ATF6: variants seen among roughly 807,000 people sequenced by gnomAD.
ATF6 encodes the protein cyclic AMP-dependent transcription factor ATF-6 alpha.
A neutral mutation model predicts 83.6 loss-of-function variants in ATF6; 53 were observed. That is an observed-to-expected ratio of 0.63 (90% CI 0.51 to 0.80). The LOEUF (loss-of-function observed/expected upper bound fraction) is 0.80, where lower values mean the gene tolerates loss of function less well. Among genes scored for constraint, ATF6 ranks in the 30% least tolerant of loss-of-function variants. The pLI is 0.00. For synonymous variants in ATF6, 288 were observed against 285.8 expected (o/e 1.01, Z -0.08); for missense variants, 744 against 797.9 (o/e 0.93, Z 0.81).
chr1:161,942,214 C>T lies in ATF6; in HGVS notation c.1805-16232C>T, dbSNP rs367878864. On this transcript the variant is annotated intron_variant, in intron 15 of 15. Transcript: ENST00000367942. ...ATTAACTCCTCAGCCCTCATACCAT[C>T]ACAGGAAAACAGCAATCATTGTTAA... Among the ~76,000 whole-genome samples, 18 of 152,308 alleles carry T rather than the reference C, an allele frequency of 1.2e-4. No homozygotes were observed. In the East Asian group the frequency reaches 2.9e-3, roughly 24 times the overall value.
intron 9 of ATF6, among the ~76,000 whole-genome samples, chr1:161,839,553 C>G (rs1186619292): frequency 6.6e-6 from 1 of 151,912 alleles, no homozygotes; most frequent in Non-Finnish European, 1.5e-5. Context: ...TTATTATTAT[C>G]GTAGAGATGA....
chr1:161,901,349 C>T (rs568126057), intron 14 of ATF6, among the ~76,000 whole-genome samples: 71 of 148,686 alleles, frequency 4.8e-4, no homozygotes, highest in Middle Eastern at 3.5e-3. Context: ...TGGCCAATAG[C>T]ACATAAAAAT....
intron 14 of ATF6, among the ~76,000 whole-genome samples, chr1:161,895,731 C>T (rs967280873): frequency 2.6e-5 from 4 of 152,168 alleles, no homozygotes; most frequent in African/African-American, 7.2e-5. Context: ...CATATCTGAT[C>T]ATTTTATTAC....
chr1:161,849,935 A>G (rs1447428896), intron 10 of ATF6, among the ~76,000 whole-genome samples: 1 of 152,182 alleles, frequency 6.6e-6, no homozygotes, highest in Admixed American at 6.5e-5. Flanking sequence ...TGCTTAAGCC[A>G]GAAATCCTGA....
In ATF6 at chr1:161,914,820, C is replaced by T. The variant is rs190636698; in HGVS notation, c.1804+2440C>T. ...CTCTCTTGTGAACACCCCTTACTTC[C>T]TGGCTCCTTTCTTAGGTCCCACTTT... On this transcript the variant is annotated intron_variant, in intron 15 of 15. Transcript: ENST00000367942. Among the ~76,000 whole-genome samples, 212 of 152,278 alleles carry T rather than the reference C, an allele frequency of 1.4e-3. 1 individual carries two copies. The highest frequency in any genetic ancestry group is 4.9e-3 in the African/African-American group (205 of 41,558).
At chr1:161,779,656 T>C (rs1181038572) in intron 2 of ATF6, among the ~76,000 whole-genome samples, 3 of 152,212 alleles carry the variant, frequency 2.0e-5, no homozygotes, top group African/African-American at 7.2e-5. Flanking sequence ...TTTAAAAGTG[T>C]TGCTGGCACT....
chr1:161,779,540 G>A (rs1684588231), intron 2 of ATF6, among the ~76,000 whole-genome samples: 2 of 152,002 alleles, frequency 1.3e-5, no homozygotes, highest in Admixed American at 6.6e-5. Context: ...GCATGAACTG[G>A]GCCTGTTAAA....
At chr1:161,770,515 T>C (rs973113900) in intron 1 of ATF6, among the ~76,000 whole-genome samples, 5 of 152,210 alleles carry the variant, frequency 3.3e-5, no homozygotes, top group Non-Finnish European at 7.3e-5. Flanking sequence ...TCTTGTGTCC[T>C]CACATGGCAC....
chr1:161,922,532 G>A (rs1688231718), intron 15 of ATF6, among the ~76,000 whole-genome samples: 1 of 152,108 alleles, frequency 6.6e-6, no homozygotes, highest in African/African-American at 2.4e-5. Flanking sequence ...GCTTATGACA[G>A]TTTGGGAGAA....
intron 15 of ATF6, among the ~76,000 whole-genome samples, chr1:161,924,802 G>A (rs1688278518): frequency 6.6e-6 from 1 of 152,062 alleles, no homozygotes; most frequent in African/African-American, 2.4e-5. Context: ...GTATGGATTA[G>A]GACAAAGAAA....
At chr1:161,955,358 T>C (rs1441374451) in intron 15 of ATF6, among the ~76,000 whole-genome samples, 2 of 152,076 alleles carry the variant, frequency 1.3e-5, no homozygotes, top group African/African-American at 4.8e-5. Flanking sequence ...TTCCCAGGGG[T>C]GGCCAGAACT....
chr1:161,938,678 A>G (rs544894969), intron 15 of ATF6, among the ~76,000 whole-genome samples: 1 of 152,326 alleles, frequency 6.6e-6, no homozygotes, highest in African/African-American at 2.4e-5. Flanking sequence ...TAGTATAGCA[A>G]TAGGTTGTGA....
At chr1:161,911,093 G>A (rs920078132) in intron 14 of ATF6, among the ~76,000 whole-genome samples, 17 of 152,070 alleles carry the variant, frequency 1.1e-4, no homozygotes, top group Non-Finnish European at 2.2e-4. Flanking sequence ...TTGAAGTTGT[G>A]TTGAATTTTT....
intron 9 of ATF6, among the ~76,000 whole-genome samples, chr1:161,838,919 C>A (rs1171800985): frequency 9.2e-5 from 14 of 152,190 alleles, no homozygotes; most frequent in Admixed American, 9.2e-4. Flanking sequence ...CTGCAAAAAT[C>A]ATCTCTGAAC....
At chr1:161,833,431 A>C (rs1202895338) in intron 9 of ATF6, among the ~76,000 whole-genome samples, 1 of 152,208 alleles carries the variant, frequency 6.6e-6, no homozygotes, top group Admixed American at 6.5e-5. Context: ...TTGAGAGAAG[A>C]AGGCTTCAGA....
intron 1 of ATF6, among the ~76,000 whole-genome samples, chr1:161,775,039 T>G (rs1157440131): frequency 3.3e-5 from 5 of 152,168 alleles, no homozygotes; most frequent in African/African-American, 7.2e-5. Context: ...TGGAAAATCT[T>G]GGGCCAGAAA....
chr1:161,877,187 A>G (rs1419916954), intron 14 of ATF6, among the ~76,000 whole-genome samples: 1 of 152,084 alleles, frequency 6.6e-6, no homozygotes, highest in Non-Finnish European at 1.5e-5. Context: ...TTTTTCAGGA[A>G]GTATGTACTG....
At chr1:161,855,625 C>T (rs1686739564) in intron 12 of ATF6, among the ~76,000 whole-genome samples, 1 of 151,958 alleles carries the variant, frequency 6.6e-6, no homozygotes, top group Non-Finnish European at 1.5e-5. Flanking sequence ...GGGCCATCTC[C>T]AACATTACAG....
chr1:161,830,307 C>G (rs1007078266), intron 9 of ATF6, among the ~76,000 whole-genome samples: 2 of 152,182 alleles, frequency 1.3e-5, no homozygotes, highest in African/African-American at 4.8e-5. Flanking sequence ...AGGACACAAA[C>G]AAATGGAAGA....
Sources: allele counts gnomAD v4.1 joint callset (sites outside exome capture counted in the v4.1 genomes callset), GRCh38; gene constraint gnomAD v4.1.1; transcripts MANE v1.5; gene names NCBI Gene and HGNC (gene_info 2026-07-23, HGNC 2026-07-21).